Variants in WDPCP observed in about 807,000 individuals in gnomAD.
WDPCP encodes WD repeat-containing and planar cell polarity effector protein fritz homolog.
Under a neutral mutation model 93.1 loss-of-function variants are expected in WDPCP, and 71 were observed. The observed-to-expected ratio is 0.76, with a 90% CI of 0.63 to 0.93. The LOEUF is 0.93. Ranked by LOEUF, WDPCP falls within the 40% of genes least tolerant of loss-of-function variation. The probability of loss-of-function intolerance (pLI) is 0.00; values close to 1 mark genes in which losing one functional copy is unlikely to be tolerated. For synonymous variants in WDPCP, 315 were observed against 315.0 expected, an observed-to-expected ratio of 1.00 and a Z score of 0.00; for missense variants, 844 against 887.4, an observed-to-expected ratio of 0.95 and a Z score of 0.62.
intron 9 of WDPCP, among the ~76,000 whole-genome samples, chr2:63,408,854 T>C (rs1464341368): frequency 6.6e-6 from 1 of 152,024 alleles, no homozygotes; most frequent in Non-Finnish European, 1.5e-5. Context: ...TCCAGTGACC[T>C]GGGAATGTCA....
At chr2:63,718,847 CAAAAG>C (rs1178535053) in intron 2 of WDPCP, among the ~76,000 whole-genome samples, 1 of 151,842 alleles carries the variant, frequency 6.6e-6, no homozygotes, top group Non-Finnish European at 1.5e-5. Context: ...AAATACAAAC[CAAAAG>C]AAGACTGGCT....
At position 63,154,539 on chromosome 2, in the gene WDPCP, T is replaced by G. The variant is rs1457993538; in HGVS notation, c.2079-965A>C. Among the ~76,000 whole-genome samples the G allele has an allele frequency of 2.0e-5, 3 of 152,186 alleles. No homozygotes were observed. In the East Asian group the frequency reaches 5.8e-4, roughly 29 times the overall value. On this transcript the variant is annotated intron_variant, in intron 15 of 17. Transcript: ENST00000272321. The stretch of plus-strand genomic sequence containing the variant: ...ATTACAGATGTGTGTACCAGTTTAT[T>G]TATTCACCTGTTGAAGGGTATTTTT...
intron 10 of WDPCP, among the ~76,000 whole-genome samples, chr2:63,389,162 AC>A (rs2104990938): frequency 6.6e-6 from 1 of 152,358 alleles, no homozygotes; most frequent in African/African-American, 2.4e-5. Context: ...AGGTTGGGTT[AC>A]CCACAAAGGG....
intron 10 of WDPCP, among the ~76,000 whole-genome samples, chr2:63,401,802 C>T (rs540037900): frequency 5.9e-4 from 90 of 151,818 alleles, no homozygotes; most frequent in African/African-American, 2.1e-3. Flanking sequence ...GAGACTGTGT[C>T]TCAAAAAAAA....
Position 63,170,059 on chromosome 2 carries a change from A to AT in WDPCP, c.2078+4610dup, listed in dbSNP as rs545470006. Among the ~76,000 whole-genome samples, 425 of 144,444 alleles carry AT rather than the reference A, an allele frequency of 2.9e-3. 2 individuals are homozygous for AT. Among genetic ancestry groups the AT allele is most frequent in the African/African-American group, 8.2e-3 (320 of 39,260 alleles). The allele number at this position is 144,444 out of a possible 152,430, so 94.8% of individuals were successfully genotyped here. On this transcript the variant is annotated intron_variant, in intron 15 of 17. Coordinates refer to ENST00000272321, the MANE Select transcript of WDPCP (RefSeq NM_015910.7). ...AGGCGTGGACCACCATGCCAGGCTA[A>AT]TTTTTTTTTTTTTCAGTAGAGATGA...
chr2:63,590,333 T>TGG (rs1266952089), upstream of WDPCP: 9 of 152,322 alleles, frequency 5.9e-5, no homozygotes, highest in African/African-American at 1.7e-4. Context: ...TCCAAGAGTC[T>TGG]CACACTCTTG....
At chr2:63,537,623 C>T (rs1219336426) in intron 1 of WDPCP, among the ~76,000 whole-genome samples, 1 of 152,138 alleles carries the variant, frequency 6.6e-6, no homozygotes, top group Non-Finnish European at 1.5e-5. Flanking sequence ...ATGCACTTAC[C>T]TATCCCTGCT....
chr2:63,374,335 T>C (rs1691660877), intron 12 of WDPCP, among the ~76,000 whole-genome samples: 1 of 152,176 alleles, frequency 6.6e-6, no homozygotes, highest in Non-Finnish European at 1.5e-5. Context: ...CATTTCAGCC[T>C]GTTTCCCTTA....
intron 2 of WDPCP, among the ~76,000 whole-genome samples, chr2:63,753,512 A>G (rs577784260): frequency 6.6e-6 from 1 of 152,314 alleles, no homozygotes; most frequent in African/African-American, 2.4e-5. Flanking sequence ...ATGGTTACAC[A>G]GGCTGTACAG....
intron 1 of WDPCP, among the ~76,000 whole-genome samples, chr2:63,580,438 T>C (rs1708420629): frequency 6.6e-6 from 1 of 152,136 alleles, no homozygotes; most frequent in Non-Finnish European, 1.5e-5. Flanking sequence ...AACCAAATGA[T>C]TAAAATCAAC....
chr2:63,768,159 AC>A (rs1670173177), intron 2 of WDPCP, among the ~76,000 whole-genome samples: 1 of 152,022 alleles, frequency 6.6e-6, no homozygotes, highest in Admixed American at 6.6e-5. Context: ...TTGTTCTAGT[AC>A]CTTTTGTTGA....
Position 63,404,390 on chromosome 2 carries a change from C to T in WDPCP, c.1093G>A (p.Glu365Lys), listed in dbSNP as rs1006999848. 2 of 1,614,058 alleles carry T rather than the reference C, an allele frequency of 1.2e-6. No individual in the cohort carries two copies. The highest frequency in any genetic ancestry group is 1.3e-5 in the African/African-American group (1 of 74,928). The change falls in exon 10 of 18, where the codon GAA becomes AAA. Residue 365 changes from glutamate (E) to lysine (K), a missense_variant. Physicochemically the swap from Glu to Lys is moderately conservative, Grantham distance 56. Coordinates refer to ENST00000272321, the MANE Select transcript of WDPCP (RefSeq NM_015910.7). ...GCEDSSLILY[E>K]THRRVTLLAQ... ...AAGAGAGTCACTCTACGGTGAGTTTCATAAAGAATTAGCGAAGAATCTTCA... is the reference window on the plus strand; with the variant it reads ...AAGAGAGTCACTCTACGGTGAGTTTTATAAAGAATTAGCGAAGAATCTTCA...
At chr2:63,389,904 T>TA (rs1460153652) in intron 10 of WDPCP, among the ~76,000 whole-genome samples, 2 of 152,100 alleles carry the variant, frequency 1.3e-5, no homozygotes, top group African/African-American at 2.4e-5. Flanking sequence ...AGCAAGTCCT[T>TA]AGAGACCTAC....
At chr2:63,278,366 G>A (rs1683240897) in intron 13 of WDPCP, among the ~76,000 whole-genome samples, 1 of 151,920 alleles carries the variant, frequency 6.6e-6, no homozygotes, top group African/African-American at 2.4e-5. Context: ...GACAAAGAAG[G>A]ACAATCCAAA....
At chr2:63,784,571 A>AGT (rs57680590) in intron 2 of WDPCP, among the ~76,000 whole-genome samples, 11,440 of 145,578 alleles carry the variant, frequency 0.079, 489 homozygotes, top group African/African-American at 0.12. Context: ...CTCTAGCTGG[A>AGT]GTGTGTGTGT....
chr2:63,766,573 T>A (rs1670142905), intron 2 of WDPCP, among the ~76,000 whole-genome samples: 1 of 144,628 alleles, frequency 6.9e-6, no homozygotes, highest in Admixed American at 6.9e-5. Context: ...TTTCTGTATG[T>A]TACTTAAAAA....
intron 1 of WDPCP, among the ~76,000 whole-genome samples, chr2:63,824,209 T>C (rs1671075001): frequency 6.6e-6 from 1 of 152,064 alleles, no homozygotes; most frequent in African/African-American, 2.4e-5. Flanking sequence ...ATCTTCTCTT[T>C]CTCCTGCCAC....
chr2:63,569,852 T>C (rs1707352921), intron 1 of WDPCP, among the ~76,000 whole-genome samples: 1 of 152,198 alleles, frequency 6.6e-6, no homozygotes, highest in South Asian at 2.1e-4. Flanking sequence ...TCTGACTATA[T>C]ATAGCATTGA....
chr2:63,749,784 C>T (rs1322925324), intron 2 of WDPCP, among the ~76,000 whole-genome samples: 1 of 152,094 alleles, frequency 6.6e-6, no homozygotes, highest in Non-Finnish European at 1.5e-5. Flanking sequence ...TTCTTGAACA[C>T]ATAATCTAGA....
Sources: allele counts gnomAD v4.1 joint callset (sites outside exome capture counted in the v4.1 genomes callset), GRCh38; gene constraint gnomAD v4.1.1; transcripts MANE v1.5; gene names NCBI Gene and HGNC (gene_info 2026-07-23, HGNC 2026-07-21).